Variants in ANKRD13B observed in about 807,000 individuals in gnomAD.
ANKRD13B encodes the protein ankyrin repeat domain 13B.
A neutral mutation model predicts 74.4 loss-of-function variants in ANKRD13B; 33 were observed. The observed-to-expected ratio is 0.44, with a 90% CI of 0.34 to 0.59. The LOEUF is 0.59. Ranked by LOEUF, ANKRD13B falls within the 20% of genes least tolerant of loss-of-function variation. The probability of loss-of-function intolerance (pLI) is 0.02; values close to 1 mark genes in which losing one functional copy is unlikely to be tolerated. For synonymous variants in ANKRD13B, 341 were observed against 362.9 expected (o/e 0.94, Z 0.68); for missense variants, 676 against 877.9 (o/e 0.77, Z 2.91).
Position 29,614,416 on chromosome 17 carries a change from C to T in ANKRD13B, c.*834C>T, listed in dbSNP as rs998378560. 2.6e-5 allele frequency: 4 copies of T among 152,986 alleles called. No homozygotes were observed. Among genetic ancestry groups the T allele is most frequent in the African/African-American group, 9.7e-5 (4 of 41,432 alleles). 9.5% of individuals were successfully genotyped at this position (152,986 alleles called of 1,614,324 possible). ...CAGGGCCCTGGCGCCACCCCCACCC[C>T]TTCCCACCAGCTGCTGCTAGCCTCT... On this transcript the variant is annotated 3_prime_UTR_variant, in exon 15 of 15. Coordinates refer to ENST00000394859, the MANE Select transcript of ANKRD13B (RefSeq NM_152345.5).
rs772085682 is a variant in ANKRD13B at position 29,612,692 on chromosome 17, G to A, written c.1452G>A (p.Glu484=). 1.3e-6 allele frequency: 2 copies of A among 1,592,008 alleles called. No homozygotes were observed. Among genetic ancestry groups the A allele is most frequent in the South Asian group, 2.2e-5 (2 of 89,110 alleles). ...RGCEISPALF[E]APRGYSMMGG... is the part of the protein sequence containing the mutation. The stretch of plus-strand genomic sequence containing the variant: ...GCGAGATCTCCCCAGCGTTGTTCGA[G>A]GCCCCGCGCGGCTACAGCATGATGG... Residue 484 remains glutamate (E), a synonymous_variant, in exon 13 of 15, where the codon GAG becomes GAA. Transcript: ENST00000394859. The surrounding 1 kb of genome is among the most constrained non-coding windows in gnomAD (Gnocchi z 6.1).
intron 1 of ANKRD13B, among the ~76,000 whole-genome samples, chr17:29,604,600 G>A (rs2034300242): frequency 6.6e-6 from 1 of 150,602 alleles, no homozygotes; most frequent in South Asian, 2.1e-4. Flanking sequence ...AGAGTGTAGT[G>A]GTGCAGTCTT....
rs1198476600 is a variant in ANKRD13B, at chr17:29,609,031, T to C, written c.565+37T>C. On this transcript the variant is annotated intron_variant, in intron 5 of 14. Coordinates refer to ENST00000394859, the MANE Select transcript of ANKRD13B (RefSeq NM_152345.5). This position sits in a 1 kb window ranked among gnomAD's most constrained non-coding sequence, Gnocchi z 4.0. ...AGGAAGTGGGGCAGGGTGGGGACGATGGGAGGCAGCCCCAGGCCACCCCTG... is the reference window on the plus strand; with the variant it reads ...AGGAAGTGGGGCAGGGTGGGGACGACGGGAGGCAGCCCCAGGCCACCCCTG... 5.6e-6 allele frequency: 9 copies of C among 1,613,384 alleles called. No homozygotes were observed. The South Asian group carries it at 8.8e-5, about 16-fold the overall frequency.
intron 1 of ANKRD13B, among the ~76,000 whole-genome samples, chr17:29,598,994 C>T (rs1038068063): frequency 3.3e-5 from 5 of 152,198 alleles, no homozygotes; most frequent in African/African-American, 1.2e-4. Flanking sequence ...ACAAAGCAGG[C>T]AGGGACCTGG....
chr17:29,596,856 A>C (rs2033972480), intron 1 of ANKRD13B, among the ~76,000 whole-genome samples: 1 of 152,160 alleles, frequency 6.6e-6, no homozygotes, highest in Non-Finnish European at 1.5e-5. Flanking sequence ...CCAGAAACCA[A>C]AAATCAATGT....
intron 14 of ANKRD13B, 76 bp from the exon 15 acceptor site, chr17:29,613,278 C>T: frequency 1.4e-6 from 2 of 1,389,788 alleles, no homozygotes; most frequent in Non-Finnish European, 1.9e-6. Flanking sequence ...CGCCCTGGAG[C>T]CTCCACGCCG....
chr17:29,609,458 C>T lies in ANKRD13B; in HGVS notation c.822+37C>T. On this transcript the variant is annotated intron_variant, in intron 7 of 14. Transcript: ENST00000394859. This position sits in a 1 kb window ranked among gnomAD's most constrained non-coding sequence, Gnocchi z 4.0. ...GCTCCCAGCTGCCAGCCCAGCTGCACTCTTGCCTACAGCAAGCTGTACAGG... is the reference window on the plus strand; with the variant it reads ...GCTCCCAGCTGCCAGCCCAGCTGCATTCTTGCCTACAGCAAGCTGTACAGG... 6.2e-7 allele frequency: 1 copy of T among 1,609,666 alleles called. No individual in the cohort carries two copies. The highest frequency in any genetic ancestry group is 8.5e-7 in the Non-Finnish European group (1 of 1,177,820).
At chr17:29,601,150 C>A (rs1174479515) in intron 1 of ANKRD13B, among the ~76,000 whole-genome samples, 1 of 151,734 alleles carries the variant, frequency 6.6e-6, no homozygotes, top group African/African-American at 2.4e-5. Context: ...TTTCAAACTC[C>A]TGGGCTCAAG....
At chr17:29,598,967 T>G (rs1439644730) in intron 1 of ANKRD13B, among the ~76,000 whole-genome samples, 2 of 151,940 alleles carry the variant, frequency 1.3e-5, no homozygotes, top group Non-Finnish European at 2.9e-5. Flanking sequence ...GCCTGGGGAG[T>G]GGGGAACCAG....
Position 29,608,316 on chromosome 17 carries a change from T to C in ANKRD13B, c.421+76T>C. 1.3e-6 allele frequency: 2 copies of C among 1,584,954 alleles called. No individual in the cohort carries two copies. The highest frequency in any genetic ancestry group is 1.1e-5 in the South Asian group (1 of 89,022). On this transcript the variant is annotated intron_variant, in intron 4 of 14. Coordinates refer to ENST00000394859, the MANE Select transcript of ANKRD13B (RefSeq NM_152345.5). The surrounding 1 kb of genome is among the most constrained non-coding windows in gnomAD (Gnocchi z 6.4). ...CGCTTGCTCCCCTGCCTGGAATGTGTTCTCATAGTTCTTCCGGCGGTTCCC... is the reference window on the plus strand; with the variant it reads ...CGCTTGCTCCCCTGCCTGGAATGTGCTCTCATAGTTCTTCCGGCGGTTCCC...
chr17:29,607,148 A>G (rs1381821979), intron 1 of ANKRD13B, among the ~76,000 whole-genome samples: 1 of 152,226 alleles, frequency 6.6e-6, no homozygotes, highest in African/African-American at 2.4e-5. Context: ...TCACAAAATT[A>G]TAGGATTTGT....
At chr17:29,593,760 G>C in intron 1 of ANKRD13B, 25 bp downstream of exon 1, 1 of 1,346,574 alleles carries the variant, frequency 7.4e-7, no homozygotes, top group Non-Finnish European at 9.6e-7. Flanking sequence ...GGGGCGCCGC[G>C]GGGACCCCGC....
At chr17:29,597,357 T>G (rs1403754421) in intron 1 of ANKRD13B, among the ~76,000 whole-genome samples, 1 of 152,146 alleles carries the variant, frequency 6.6e-6, no homozygotes. Flanking sequence ...TGCATGTGCT[T>G]GTACACTTAA....
rs746064530 is a variant in ANKRD13B, at chr17:29,612,254, T to C, written c.1239T>C (p.Pro413=). ...ACTTCATCACCCTGCGTCTGCCTCC[T>C]GGCTTCCCAGTTAAGATTGGTGAGA... The part of the protein sequence containing the change: ...LRDFITLRLP[P]GFPVKIEIPI... The change falls in exon 11 of 15, where the codon CCT becomes CCC. Residue 413 remains proline, a synonymous_variant. Coordinates refer to ENST00000394859, the MANE Select transcript of ANKRD13B (RefSeq NM_152345.5). This position sits in a 1 kb window ranked among gnomAD's most constrained non-coding sequence, Gnocchi z 6.1. 1.4e-5 allele frequency: 22 copies of C among 1,613,930 alleles called. 1 individual carries two copies. The South Asian group carries it at 1.6e-4, about 12-fold the overall frequency.
In ANKRD13B at chr17:29,613,573, C is replaced by G. The variant is rs1403716961; in HGVS notation, c.1872C>G (p.Thr624=). The G allele has an allele frequency of 2.1e-6, 3 of 1,459,508 alleles. No individual in the cohort carries two copies. Among genetic ancestry groups the G allele is most frequent in the Non-Finnish European group, 1.8e-6 (2 of 1,103,132 alleles). The allele number at this position is 1,459,508 out of a possible 1,614,324, so 90.4% of individuals were successfully genotyped here. ...ELERILRLSL[T]EQ ...AGCGCATCCTGAGGCTCTCACTGAC[C>G]GAGCAGTAGCGCCCCCTGCCGGGAC... The change falls in exon 15 of 15, where the codon ACC becomes ACG. Residue 624 remains threonine, a synonymous_variant. Transcript: ENST00000394859.
chr17:29,600,400 A>G (rs956790602), intron 1 of ANKRD13B, among the ~76,000 whole-genome samples: 3 of 152,080 alleles, frequency 2.0e-5, no homozygotes, highest in Middle Eastern at 6.3e-3. Flanking sequence ...ACTCGGGTAG[A>G]TAGGGTGGTG....
chr17:29,613,178 A>C, intron 14 of ANKRD13B, 176 bp from the exon 15 acceptor site: 1 of 1,206,048 alleles, frequency 8.3e-7, no homozygotes, highest in Non-Finnish European at 1.1e-6. Context: ...GACGGGGAGA[A>C]CTTGGTAGGG....
chr17:29,612,319 G>C lies in ANKRD13B; in HGVS notation c.1258+46G>C, dbSNP rs762964059. ...CTCCTGAGCCCGTGGCGGGCCGACCGGGGTTTAGATGAGGTCGGGGTGGGG... is the reference window on the plus strand; with the variant it reads ...CTCCTGAGCCCGTGGCGGGCCGACCCGGGTTTAGATGAGGTCGGGGTGGGG... On this transcript the variant is annotated intron_variant, in intron 11 of 14. Coordinates refer to ENST00000394859, the MANE Select transcript of ANKRD13B (RefSeq NM_152345.5). This position sits in a 1 kb window ranked among gnomAD's most constrained non-coding sequence, Gnocchi z 6.1. 1 of 1,612,288 alleles carries C rather than the reference G, an allele frequency of 6.2e-7. No homozygotes were observed. The highest frequency in any genetic ancestry group is 8.5e-7 in the Non-Finnish European group (1 of 1,178,734).
At chr17:29,599,291 G>A (rs1347465517) in intron 1 of ANKRD13B, 1 of 152,236 alleles carries the variant, frequency 6.6e-6, no homozygotes, top group Non-Finnish European at 1.5e-5. Flanking sequence ...GAAAGCCACT[G>A]GAAGATTTTG....
Sources: gnomAD v4.1 joint callset for allele counts (sites outside exome capture counted in the v4.1 genomes callset) on GRCh38, gnomAD v4.1.1 for gene constraint, Gnocchi (gnomAD v3.1) non-coding constraint, MANE v1.5 for transcripts, NCBI Gene and HGNC (gene_info 2026-07-23, HGNC 2026-07-21) for gene names.